Variants in AUTS2 observed in about 807,000 individuals in gnomAD.
AUTS2 encodes the protein activator of transcription and developmental regulator AUTS2.
In AUTS2, 17 loss-of-function variants were observed where a neutral mutation model predicts 112.4. That is an observed-to-expected ratio of 0.15 (90% CI 0.10 to 0.23). The LOEUF (loss-of-function observed/expected upper bound fraction) is 0.23, where lower values mean the gene tolerates loss of function less well. AUTS2 is among the 10% of genes least tolerant of loss of function. The probability of loss-of-function intolerance (pLI) is 1.00; values close to 1 mark genes in which losing one functional copy is unlikely to be tolerated. For missense variants in AUTS2, 1,510 were observed against 1,701.6 expected (o/e 0.89, Z 1.98); for synonymous variants, 751 against 702.7 (o/e 1.07, Z -1.09).
chr7:70,363,216 T>G (rs1441772838), intron 4 of AUTS2, among the ~76,000 whole-genome samples: 1 of 152,232 alleles, frequency 6.6e-6, no homozygotes, highest in African/African-American at 2.4e-5. Context: ...CTCTAATGGT[T>G]GGACATTTAG....
intron 1 of AUTS2, among the ~76,000 whole-genome samples, chr7:69,610,628 T>C (rs1250213156): frequency 6.6e-6 from 1 of 152,214 alleles, no homozygotes; most frequent in Non-Finnish European, 1.5e-5. Flanking sequence ...TCTTCAGGTT[T>C]TATACCTCAC....
At chr7:70,575,454 C>A (rs1289151514) in intron 5 of AUTS2, among the ~76,000 whole-genome samples, 1 of 152,110 alleles carries the variant, frequency 6.6e-6, no homozygotes, top group Non-Finnish European at 1.5e-5. Flanking sequence ...CTAAAGAAAG[C>A]CAGCTAACGA....
chr7:69,679,119 C>T (rs749546073), intron 1 of AUTS2, among the ~76,000 whole-genome samples: 1 of 152,176 alleles, frequency 6.6e-6, no homozygotes, highest in Non-Finnish European at 1.5e-5. Flanking sequence ...TTTAAACTTA[C>T]TTCACAATAA....
At chr7:70,463,694 A>G (rs569057828) in intron 5 of AUTS2, among the ~76,000 whole-genome samples, 24 of 152,210 alleles carry the variant, frequency 1.6e-4, no homozygotes, top group Non-Finnish European at 3.2e-4. Flanking sequence ...TAGATTGAGC[A>G]TGGCCTTGCA....
At chr7:70,444,654 T>G (rs913138107) in intron 5 of AUTS2, among the ~76,000 whole-genome samples, 1 of 152,182 alleles carries the variant, frequency 6.6e-6, no homozygotes, top group Non-Finnish European at 1.5e-5. Context: ...CCTATCAGTT[T>G]CCATGAGGAG....
At chr7:69,637,090 C>T (rs544908607) in intron 1 of AUTS2, among the ~76,000 whole-genome samples, 21 of 152,268 alleles carry the variant, frequency 1.4e-4, no homozygotes, top group African/African-American at 4.6e-4. Flanking sequence ...TAAATGTCTG[C>T]ATAATAGTCA....
chr7:70,162,335 A>G lies in AUTS2; in HGVS notation c.660+27764A>G, dbSNP rs1049333140. On this transcript the variant is annotated intron_variant, in intron 4 of 18. Transcript: ENST00000342771. ...GTGGCGGGCGCCTGTAGTCCCAGCT[A>G]CTTGGGAGGCTGAGGCAGGAGAATG... is the stretch of plus-strand genomic sequence containing the variant. Among the ~76,000 whole-genome samples, 3 of 148,006 alleles carry G rather than the reference A, an allele frequency of 2.0e-5. No homozygotes were observed. The East Asian group carries it at 6.0e-4, about 30-fold the overall frequency.
At chr7:70,526,094 C>T (rs906443317) in intron 5 of AUTS2, among the ~76,000 whole-genome samples, 1 of 152,204 alleles carries the variant, frequency 6.6e-6, no homozygotes, top group African/African-American at 2.4e-5. Context: ...CTCTCAACCT[C>T]CCACATCTAA....
intron 4 of AUTS2, among the ~76,000 whole-genome samples, chr7:70,399,513 C>G (rs895090029): frequency 2.0e-5 from 3 of 152,118 alleles, no homozygotes; most frequent in African/African-American, 7.2e-5. Flanking sequence ...GGACACTTGT[C>G]AAGTTTTCAA....
intron 5 of AUTS2, among the ~76,000 whole-genome samples, chr7:70,444,799 G>A (rs1471355241): frequency 1.3e-5 from 2 of 152,112 alleles, no homozygotes; most frequent in Admixed American, 6.5e-5. Flanking sequence ...GGAGACAGCC[G>A]AATGGGGTCT....
At chr7:70,045,031 A>G (rs1280815548) in intron 2 of AUTS2, among the ~76,000 whole-genome samples, 2 of 151,694 alleles carry the variant, frequency 1.3e-5, no homozygotes, top group Admixed American at 1.3e-4. Flanking sequence ...GTGTTACCGG[A>G]CCTATTCTGC....
intron 2 of AUTS2, among the ~76,000 whole-genome samples, chr7:70,012,917 C>T (rs932762937): frequency 1.3e-5 from 2 of 152,100 alleles, no homozygotes; most frequent in Non-Finnish European, 2.9e-5. Context: ...GAAATAAGTG[C>T]TCATGAATAG....
In AUTS2 at chr7:70,762,913, G is replaced by T; in HGVS notation, c.786G>T (p.Gln262His). 6.2e-7 allele frequency: 1 copy of T among 1,614,130 alleles called. No individual in the cohort carries two copies. The highest frequency in any genetic ancestry group is 8.5e-7 in the Non-Finnish European group (1 of 1,180,008). ...GCACGCTACCAGAACATGACAGCCAGGATGCAGGGCCGATTGTCCCCAAGA... is the reference window on the plus strand; with the variant it reads ...GCACGCTACCAGAACATGACAGCCATGATGCAGGGCCGATTGTCCCCAAGA... Reference protein sequence around the residue: ...GVGTLPEHDSQDAGPIVPKIS... With the variant: ...GVGTLPEHDSHDAGPIVPKIS... Residue 262 changes from glutamine (Q) to histidine (H), a missense_variant, in exon 7 of 19, where the codon CAG becomes CAT. Transcript: ENST00000342771.
At chr7:69,999,145 G>GAA (rs1360280921) in intron 2 of AUTS2, among the ~76,000 whole-genome samples, 1 of 152,146 alleles carries the variant, frequency 6.6e-6, no homozygotes, top group Non-Finnish European at 1.5e-5. Flanking sequence ...GCACTTGAAG[G>GAA]AAAGAGAGGG....
chr7:69,944,240 C>T (rs1796726857), intron 2 of AUTS2, among the ~76,000 whole-genome samples: 1 of 152,146 alleles, frequency 6.6e-6, no homozygotes, highest in Admixed American at 6.5e-5. Flanking sequence ...CCCAGAGCTA[C>T]ACCATATATA....
intron 2 of AUTS2, among the ~76,000 whole-genome samples, chr7:69,969,241 C>A (rs1234117612): frequency 1.3e-5 from 2 of 152,058 alleles, no homozygotes; most frequent in East Asian, 1.9e-4. Flanking sequence ...AGGGGAAAAG[C>A]ATTTCCAGAA....
chr7:69,953,821 C>A (rs1797117004), intron 2 of AUTS2, among the ~76,000 whole-genome samples: 1 of 152,090 alleles, frequency 6.6e-6, no homozygotes, highest in South Asian at 2.1e-4. Context: ...TATTAGTACC[C>A]CCCCAACTAC....
At chr7:70,244,342 T>C (rs2129601561) in intron 4 of AUTS2, among the ~76,000 whole-genome samples, 1 of 152,294 alleles carries the variant, frequency 6.6e-6, no homozygotes, top group Middle Eastern at 3.4e-3. Flanking sequence ...TCAAATTGTT[T>C]TAAAACTTAA....
intron 1 of AUTS2, among the ~76,000 whole-genome samples, chr7:69,864,020 CA>C (rs1793109478): frequency 6.6e-6 from 1 of 152,160 alleles, no homozygotes; most frequent in Non-Finnish European, 1.5e-5. Context: ...GGAAATAATG[CA>C]GGGGTGGGAG....
Sources: gnomAD v4.1 joint callset for allele counts (sites outside exome capture counted in the v4.1 genomes callset) on GRCh38, gnomAD v4.1.1 for gene constraint, MANE v1.5 for transcripts, NCBI Gene and HGNC (gene_info 2026-07-23, HGNC 2026-07-21) for gene names.